LDLRAD4: variants seen among roughly 807,000 people sequenced by gnomAD.
LDLRAD4 encodes low-density lipoprotein receptor class A domain-containing protein 4.
LDLRAD4 carries 5 observed loss-of-function variants against 17.0 expected under a neutral mutation model. That is an observed-to-expected ratio of 0.29 (90% CI 0.15 to 0.62). The LOEUF is 0.62. Among genes scored for constraint, LDLRAD4 ranks in the 20% least tolerant of loss-of-function variants. The pLI is 0.84. For synonymous variants in LDLRAD4, 168 were observed against 171.8 expected, an observed-to-expected ratio of 0.98 and a Z score of 0.17; for missense variants, 340 against 424.7, an observed-to-expected ratio of 0.80 and a Z score of 1.75.
intron 3 of LDLRAD4, among the ~76,000 whole-genome samples, chr18:13,566,428 T>C (rs982242670): frequency 6.7e-6 from 1 of 150,042 alleles, no homozygotes; most frequent in Non-Finnish European, 1.5e-5. Flanking sequence ...AGTGGCGCAA[T>C]CTTAGCTCAT....
At chr18:13,239,277 T>G (rs2042506084) in intron 1 of LDLRAD4, among the ~76,000 whole-genome samples, 1 of 151,972 alleles carries the variant, frequency 6.6e-6, no homozygotes, top group South Asian at 2.1e-4. Flanking sequence ...GGCCTGGCGT[T>G]AGGGAGAGGA....
At chr18:13,516,537 T>C (rs891103032) in intron 3 of LDLRAD4, among the ~76,000 whole-genome samples, 34 of 152,242 alleles carry the variant, frequency 2.2e-4, no homozygotes, top group African/African-American at 8.2e-4. Flanking sequence ...GTGTACATCG[T>C]GTGGCTCTTT....
chr18:13,368,900 G>A (rs2084261573), intron 1 of LDLRAD4, among the ~76,000 whole-genome samples: 1 of 152,242 alleles, frequency 6.6e-6, no homozygotes, highest in Non-Finnish European at 1.5e-5. Flanking sequence ...GAAGGTGGCA[G>A]GAGCCCTGGC....
chr18:13,305,388 G>T (rs2046852514), intron 1 of LDLRAD4, among the ~76,000 whole-genome samples: 1 of 152,156 alleles, frequency 6.6e-6, no homozygotes, highest in African/African-American at 2.4e-5. Context: ...TGCTATTGTG[G>T]TCAGCTCAAG....
chr18:13,516,606 C>G (rs1239940270), intron 3 of LDLRAD4, among the ~76,000 whole-genome samples: 1 of 152,216 alleles, frequency 6.6e-6, no homozygotes, highest in Admixed American at 6.5e-5. Context: ...AGCGGCACTT[C>G]AAGTGGACAC....
intron 2 of LDLRAD4, among the ~76,000 whole-genome samples, chr18:13,410,819 G>C (rs1039492742): frequency 6.6e-6 from 1 of 152,192 alleles, no homozygotes; most frequent in Non-Finnish European, 1.5e-5. Flanking sequence ...TCAGTGGATG[G>C]CTTTTTGTTA....
In LDLRAD4 at chr18:13,645,235, G is replaced by T; in HGVS notation, c.499G>T (p.Asp167Tyr). 2.5e-6 allele frequency: 4 copies of T among 1,614,080 alleles called. No homozygotes were observed. The highest frequency in any genetic ancestry group is 1.3e-5 in the African/African-American group (1 of 75,010). The change falls in exon 6 of 6, where the codon GAT (aspartate) becomes TAT (tyrosine). Residue 167 changes from aspartate to tyrosine, a missense_variant. Coordinates refer to ENST00000359446, the Ensembl canonical transcript of LDLRAD4. The surrounding 1 kb of genome is among the most constrained non-coding windows in gnomAD (Gnocchi z 5.7). Reference sequence around the variant, plus strand: ...CTACCCCTATGTGCAGCACGAGATTGATCTTCCTCCCACCATCTCCCTGTC... The same window carrying T: ...CTACCCCTATGTGCAGCACGAGATTTATCTTCCTCCCACCATCTCCCTGTC...
At chr18:13,420,376 T>C (rs1011947005) in intron 2 of LDLRAD4, 2 of 152,134 alleles carry the variant, frequency 1.3e-5, no homozygotes, top group Non-Finnish European at 2.9e-5. Flanking sequence ...AAGGGTGAGA[T>C]TATAAGGAGG....
At chr18:13,640,209 C>T (rs1451071017) in intron 4 of LDLRAD4, among the ~76,000 whole-genome samples, 3 of 142,928 alleles carry the variant, frequency 2.1e-5, no homozygotes, top group African/African-American at 5.2e-5. Flanking sequence ...GGGAGAATGG[C>T]GTGAACCCGG....
intron 3 of LDLRAD4, among the ~76,000 whole-genome samples, chr18:13,605,577 T>G (rs942377848): frequency 2.0e-5 from 3 of 152,196 alleles, no homozygotes; most frequent in African/African-American, 7.2e-5. Context: ...TTAACGACAC[T>G]GTTAACCCCT....
intron 3 of LDLRAD4, among the ~76,000 whole-genome samples, chr18:13,448,400 T>C (rs895348540): frequency 2.0e-5 from 3 of 152,190 alleles, no homozygotes; most frequent in Non-Finnish European, 4.4e-5. Flanking sequence ...AATTTCTTCA[T>C]GCTGGGTCTC....
intron 1 of LDLRAD4, among the ~76,000 whole-genome samples, chr18:13,385,775 A>G (rs747053575): frequency 1.9e-4 from 29 of 152,172 alleles, no homozygotes; most frequent in Non-Finnish European, 3.7e-4. Context: ...CATGTTGGCC[A>G]TTTTTAGATG....
At chr18:13,245,214 C>G (rs1040221443) in intron 1 of LDLRAD4, among the ~76,000 whole-genome samples, 1 of 152,192 alleles carries the variant, frequency 6.6e-6, no homozygotes, top group African/African-American at 2.4e-5. Context: ...TGTACCTGGG[C>G]TGTACGGATG....
intron 1 of LDLRAD4, among the ~76,000 whole-genome samples, chr18:13,322,302 T>G (rs2081293571): frequency 6.9e-6 from 1 of 145,510 alleles, no homozygotes; most frequent in East Asian, 2.0e-4. Flanking sequence ...TTTTTTTTTT[T>G]TTTTTTTTTG....
At chr18:13,651,681 T>C (rs969572886) in exon 6 of LDLRAD4, 6 of 152,236 alleles carry the variant, frequency 3.9e-5, no homozygotes, top group African/African-American at 9.6e-5. Context: ...AAAACCACGG[T>C]TGAATCTTGG....
At chr18:13,615,930 G>A (rs1006075200) in intron 3 of LDLRAD4, 2 of 45,486 alleles carry the variant, frequency 4.4e-5, no homozygotes, top group Non-Finnish European at 6.7e-5. Context: ...TTCAGAATCC[G>A]TGTTAGGCGT....
At chr18:13,347,831 G>A (rs989522916) in intron 1 of LDLRAD4, among the ~76,000 whole-genome samples, 14 of 151,744 alleles carry the variant, frequency 9.2e-5, no homozygotes, top group South Asian at 2.1e-4. Context: ...TTGATCTTCC[G>A]TCACTGATAC....
chr18:13,480,340 C>T (rs1184488357), intron 3 of LDLRAD4, among the ~76,000 whole-genome samples: 1 of 152,144 alleles, frequency 6.6e-6, no homozygotes. Context: ...CAGTGTGAGT[C>T]CAACTGTGTG....
chr18:13,319,710 A>G (rs1251266428), intron 1 of LDLRAD4, among the ~76,000 whole-genome samples: 1 of 152,222 alleles, frequency 6.6e-6, no homozygotes, highest in Non-Finnish European at 1.5e-5. Context: ...AGGTCTATCA[A>G]AAAATGATAA....
Sources: gnomAD v4.1 joint callset for allele counts (sites outside exome capture counted in the v4.1 genomes callset) on GRCh38, gnomAD v4.1.1 for gene constraint, Gnocchi (gnomAD v3.1) non-coding constraint, MANE v1.5 for transcripts, NCBI Gene and HGNC (gene_info 2026-07-23, HGNC 2026-07-21) for gene names.